The following MYO5B variants were observed in gnomAD, a reference collection of about 807,000 sequenced individuals.
MYO5B encodes unconventional myosin-Vb.
A neutral mutation model predicts 229.3 loss-of-function variants in MYO5B; 143 were observed. The ratio of observed to expected loss-of-function variants is 0.62; its 90% CI spans 0.54 to 0.72. MYO5B has a LOEUF of 0.72. MYO5B is among the 30% of genes least tolerant of loss of function. MYO5B has a pLI of 0.00. For missense variants in MYO5B, 2,321 were observed against 2,331.0 expected (o/e 1.00, Z 0.09); for synonymous variants, 918 against 885.2 (o/e 1.04, Z -0.66).
intron 1 of MYO5B, among the ~76,000 whole-genome samples, chr18:50,145,998 G>A (rs1279760585): frequency 6.6e-6 from 1 of 152,214 alleles, no homozygotes; most frequent in Non-Finnish European, 1.5e-5. Flanking sequence ...AATTAAAGGA[G>A]CAGCCCTTCC....
chr18:49,937,503 T>A, intron 14 of MYO5B, 106 bp from the exon 15 acceptor site: 1 of 1,317,188 alleles, frequency 7.6e-7, no homozygotes, highest in Admixed American at 2.0e-5. Flanking sequence ...AAAACACACA[T>A]CCACGCCAAA....
intron 1 of MYO5B, among the ~76,000 whole-genome samples, chr18:50,192,684 C>A (rs2033244827): frequency 6.6e-6 from 1 of 152,146 alleles, no homozygotes; most frequent in Admixed American, 6.5e-5. Context: ...AGGCGTCCAC[C>A]TCACAGTCCT....
chr18:49,856,731 C>T lies in MYO5B; in HGVS notation c.4022+82G>A, dbSNP rs1484283186. ...ACTGTTCCCCGTGCTCTCGCACCCA[C>T]TGTAGCTGAAAAACGGTTAAGCATA... On this transcript the variant is annotated intron_variant, in intron 30 of 39. Coordinates refer to ENST00000285039, the MANE Select transcript of MYO5B (RefSeq NM_001080467.3). The T allele has an allele frequency of 5.0e-6, 6 of 1,205,016 alleles. No homozygotes were observed. The Admixed American group carries it at 1.0e-4, about 20-fold the overall frequency. The allele number at this position is 1,205,016 out of a possible 1,614,324, so 74.6% of individuals were successfully genotyped here.
chr18:49,999,764 G>A (rs1056458445), intron 5 of MYO5B, among the ~76,000 whole-genome samples: 11 of 152,222 alleles, frequency 7.2e-5, no homozygotes, highest in African/African-American at 2.2e-4. Flanking sequence ...AGGAACTTGC[G>A]AGAAATGCAA....
intron 12 of MYO5B, among the ~76,000 whole-genome samples, chr18:49,959,929 G>A (rs763571103): frequency 3.3e-5 from 5 of 152,100 alleles, no homozygotes; most frequent in Non-Finnish European, 7.4e-5. Flanking sequence ...CTTGGGTAAC[G>A]GAGGAACAAT....
intron 1 of MYO5B, among the ~76,000 whole-genome samples, chr18:50,135,157 T>C (rs945712058): frequency 1.3e-5 from 2 of 152,212 alleles, no homozygotes. Context: ...GTTTGTATCC[T>C]GCCTCATATT....
chr18:49,988,390 A>G lies in MYO5B; in HGVS notation c.838+2049T>C, dbSNP rs188189285. ...TCACTCCAAAATATTCTCAGAGGGCACATGAAGGTGAAAGAGTGGGAAAAA... is the reference window on the plus strand; with the variant it reads ...TCACTCCAAAATATTCTCAGAGGGCGCATGAAGGTGAAAGAGTGGGAAAAA... On this transcript the variant is annotated intron_variant, in intron 7 of 39. Transcript: ENST00000285039. 6.6e-5 allele frequency among the ~76,000 whole-genome samples: 10 copies of G among 152,324 alleles called. No homozygotes were observed. In the East Asian group the frequency reaches 1.7e-3, roughly 26 times the overall value.
At chr18:49,842,620 C>T (rs1269442412) in intron 34 of MYO5B, among the ~76,000 whole-genome samples, 1 of 152,250 alleles carries the variant, frequency 6.6e-6, no homozygotes, top group African/African-American at 2.4e-5. Flanking sequence ...TGGCCCTCAT[C>T]CATGTGTGGA....
chr18:50,155,487 A>T (rs1305094422), intron 1 of MYO5B, among the ~76,000 whole-genome samples: 1 of 152,216 alleles, frequency 6.6e-6, no homozygotes, highest in Admixed American at 6.5e-5. Flanking sequence ...AAACAAAAAA[A>T]TCTTCCTAAG....
chr18:49,919,039 G>A (rs571341029), intron 17 of MYO5B, among the ~76,000 whole-genome samples: 1 of 152,090 alleles, frequency 6.6e-6, no homozygotes, highest in South Asian at 2.1e-4. Context: ...ACTTTTCTCG[G>A]GTATATTTCT....
At chr18:49,901,071 G>C (rs1012488742) in intron 21 of MYO5B, among the ~76,000 whole-genome samples, 4 of 152,206 alleles carry the variant, frequency 2.6e-5, no homozygotes, top group Admixed American at 2.6e-4. Context: ...AAATAAGAGT[G>C]AACACAAAAC....
At chr18:49,881,231 G>A (rs2024582209) in intron 22 of MYO5B, among the ~76,000 whole-genome samples, 1 of 152,026 alleles carries the variant, frequency 6.6e-6, no homozygotes, top group Non-Finnish European at 1.5e-5. Context: ...TAAATTTTGG[G>A]CTCTCAAACC....
chr18:49,911,551 G>A (rs1187386708), intron 18 of MYO5B, among the ~76,000 whole-genome samples: 1 of 152,196 alleles, frequency 6.6e-6, no homozygotes, highest in African/African-American at 2.4e-5. Context: ...GTGTAAGTGC[G>A]TTTTTACTTG....
At chr18:50,039,679 A>G (rs2029947580) in intron 3 of MYO5B, among the ~76,000 whole-genome samples, 1 of 152,236 alleles carries the variant, frequency 6.6e-6, no homozygotes, top group Non-Finnish European at 1.5e-5. Flanking sequence ...GACTTTTAAA[A>G]TATGTTATGA....
intron 1 of MYO5B, among the ~76,000 whole-genome samples, chr18:50,166,188 A>T (rs1438375348): frequency 6.6e-6 from 1 of 152,146 alleles, no homozygotes; most frequent in Non-Finnish European, 1.5e-5. Flanking sequence ...CCTGCCACAC[A>T]TTTTATGAGC....
At chr18:50,039,301 T>C (rs972425903) in intron 3 of MYO5B, among the ~76,000 whole-genome samples, 1 of 152,168 alleles carries the variant, frequency 6.6e-6, no homozygotes, top group Non-Finnish European at 1.5e-5. Context: ...ATTTGTGATA[T>C]AGGAAAGGAG....
intron 12 of MYO5B, among the ~76,000 whole-genome samples, chr18:49,955,973 G>T (rs2144249684): frequency 6.6e-6 from 1 of 152,300 alleles, no homozygotes; most frequent in South Asian, 2.1e-4. Flanking sequence ...AAATTGGCTA[G>T]GAACAAAATC....
intron 22 of MYO5B, among the ~76,000 whole-genome samples, chr18:49,882,996 G>A (rs995141843): frequency 6.6e-6 from 1 of 152,132 alleles, no homozygotes; most frequent in African/African-American, 2.4e-5. Flanking sequence ...CTAAATACTA[G>A]CAAGTGGTTA....
chr18:50,192,945 A>G (rs1273817474), intron 1 of MYO5B, among the ~76,000 whole-genome samples: 2 of 152,188 alleles, frequency 1.3e-5, no homozygotes, highest in East Asian at 3.9e-4. Context: ...CCCCTCATAT[A>G]ATACAGCAAT....
Sources: gnomAD v4.1 joint callset for allele counts (sites outside exome capture counted in the v4.1 genomes callset) on GRCh38, gnomAD v4.1.1 for gene constraint, MANE v1.5 for transcripts, NCBI Gene and HGNC (gene_info 2026-07-23, HGNC 2026-07-21) for gene names.